WDFY4: variants seen among roughly 807,000 people sequenced by gnomAD.
WDFY4 encodes WD repeat- and FYVE domain-containing protein 4.
A neutral mutation model predicts 351.9 loss-of-function variants in WDFY4; 169 were observed. The observed-to-expected ratio is 0.48, with a 90% CI of 0.42 to 0.55. The LOEUF (loss-of-function observed/expected upper bound fraction) is 0.55, where lower values mean the gene tolerates loss of function less well. Ranked by LOEUF, WDFY4 falls within the 20% of genes least tolerant of loss-of-function variation. WDFY4 has a pLI of 0.00. For missense variants in WDFY4, 3,803 were observed against 3,935.6 expected (o/e 0.97, Z 0.90); for synonymous variants, 1,622 against 1,574.6 (o/e 1.03, Z -0.71).
At chr10:48,789,758 C>T in intron 21 of WDFY4, 116 bp from the exon 22 acceptor site, 2 of 870,412 alleles carry the variant, frequency 2.3e-6, no homozygotes. Flanking sequence ...ATGATCATTG[C>T]TGATGGAGTG....
intron 59 of WDFY4, 99 bp from the exon 60 acceptor site, chr10:48,978,209 TC>T: frequency 8.2e-7 from 1 of 1,219,426 alleles, no homozygotes; most frequent in Non-Finnish European, 1.1e-6. Flanking sequence ...GTTCATCCTT[TC>T]CCTGGGGGAC....
intron 19 of WDFY4, among the ~76,000 whole-genome samples, chr10:48,782,099 A>G (rs975370867): frequency 6.6e-6 from 1 of 152,212 alleles, no homozygotes; most frequent in Non-Finnish European, 1.5e-5. Flanking sequence ...GTGAATGTTA[A>G]TAACTTTTAT....
intron 39 of WDFY4, among the ~76,000 whole-genome samples, chr10:48,853,915 T>C (rs2069041616): frequency 6.6e-6 from 1 of 152,176 alleles, no homozygotes; most frequent in African/African-American, 2.4e-5. Context: ...TAGTAAGTGA[T>C]CAATGAATGT....
chr10:48,830,276 C>A (rs192064911), intron 37 of WDFY4, among the ~76,000 whole-genome samples: 3 of 152,280 alleles, frequency 2.0e-5, no homozygotes, highest in South Asian at 4.1e-4. Flanking sequence ...GGTGTCCATT[C>A]CCCTGAGAGG....
intron 31 of WDFY4, among the ~76,000 whole-genome samples, chr10:48,816,636 A>G (rs2067628893): frequency 6.6e-6 from 1 of 152,226 alleles, no homozygotes; most frequent in Non-Finnish European, 1.5e-5. Context: ...TACCTGTTTA[A>G]TCAATTAATG....
intron 2 of WDFY4, among the ~76,000 whole-genome samples, chr10:48,715,048 C>T (rs986327200): frequency 1.3e-5 from 2 of 152,206 alleles, no homozygotes; most frequent in Admixed American, 6.5e-5. Context: ...AGTCTAGCTG[C>T]CATGTTGTAA....
intron 20 of WDFY4, among the ~76,000 whole-genome samples, chr10:48,788,218 G>T (rs1465005377): frequency 6.6e-6 from 1 of 151,500 alleles, no homozygotes; most frequent in African/African-American, 2.4e-5. Flanking sequence ...TAGTAGAGAC[G>T]AGATTTCACC....
Position 48,900,217 on chromosome 10 carries a change from A to G in WDFY4, c.7438-4A>G. On this transcript the variant is annotated splice_polypyrimidine_tract_variant and splice_region_variant and intron_variant, in intron 45 of 61. Transcript: ENST00000325239. ...GGAGCATTAAAAGGGGCTTCTCTTCACAGGACATCGCCCTGGAGATCTTCT... is the reference window on the plus strand; with the variant it reads ...GGAGCATTAAAAGGGGCTTCTCTTCGCAGGACATCGCCCTGGAGATCTTCT... 1 of 1,551,026 alleles carries G rather than the reference A, an allele frequency of 6.4e-7. No homozygotes were observed. The highest frequency in any genetic ancestry group is 2.0e-5 in the Admixed American group (1 of 50,874).
intron 47 of WDFY4, among the ~76,000 whole-genome samples, chr10:48,938,153 A>G (rs533343274): frequency 1.2e-4 from 18 of 152,334 alleles, no homozygotes; most frequent in African/African-American, 4.1e-4. Context: ...TCAGTCACTC[A>G]CTAACCCATT....
chr10:48,926,272 G>A (rs981296317), intron 47 of WDFY4, among the ~76,000 whole-genome samples: 8 of 152,216 alleles, frequency 5.3e-5, no homozygotes, highest in African/African-American at 1.9e-4. Context: ...GCCCCAGGAA[G>A]GGTGTTCCTG....
In WDFY4 at chr10:48,976,842, G is replaced by T; in HGVS notation, c.9154G>T (p.Val3052Phe). Residue 3052 changes from valine to phenylalanine, a missense_variant, in exon 59 of 62, where the codon GTC becomes TTC. Around this residue, in one of 3 missense-constraint regions of WDFY4, gnomAD observed 3,054 missense variants for 3,148.6 expected, o/e 0.97. Transcript: ENST00000325239. ...GGGAGCACACTTGTCCCTGTGGAATGTCAATGGACAGCCCCTGGCCAGCAT... is the reference window on the plus strand; with the variant it reads ...GGGAGCACACTTGTCCCTGTGGAATTTCAATGGACAGCCCCTGGCCAGCAT... ...CAGAHLSLWNVNGQPLASITT... is the reference protein window; with the variant it reads ...CAGAHLSLWNFNGQPLASITT... The T allele has an allele frequency of 6.6e-7, 1 of 1,524,616 alleles. No homozygotes were observed. Among genetic ancestry groups the T allele is most frequent in the Non-Finnish European group, 8.8e-7 (1 of 1,132,550 alleles). 94.4% of individuals were successfully genotyped at this position (1,524,616 alleles called of 1,614,324 possible).
chr10:48,737,718 C>A (rs550024083), intron 11 of WDFY4, among the ~76,000 whole-genome samples: 20 of 152,236 alleles, frequency 1.3e-4, no homozygotes, highest in African/African-American at 4.8e-4. Flanking sequence ...AAGTTAAATA[C>A]CTTTTGAAAG....
intron 47 of WDFY4, among the ~76,000 whole-genome samples, chr10:48,930,835 A>G (rs1291551254): frequency 1.3e-5 from 2 of 152,230 alleles, no homozygotes; most frequent in African/African-American, 2.4e-5. Context: ...AAAATGCTGA[A>G]GATGTCATGT....
intron 44 of WDFY4, among the ~76,000 whole-genome samples, chr10:48,892,924 T>C (rs1196761829): frequency 6.6e-6 from 1 of 152,192 alleles, no homozygotes; most frequent in Non-Finnish European, 1.5e-5. Context: ...CTTAGCTGAT[T>C]AGGGTGGCTG....
chr10:48,797,120 C>T (rs2066902374), intron 24 of WDFY4, among the ~76,000 whole-genome samples: 1 of 152,170 alleles, frequency 6.6e-6, no homozygotes, highest in South Asian at 2.1e-4. Context: ...AGTGAGCAGG[C>T]AGTCAGAATT....
At chr10:48,969,381 G>A (rs187813841) in intron 56 of WDFY4, 133 bp downstream of exon 56, 3 of 1,134,542 alleles carry the variant, frequency 2.6e-6, no homozygotes, top group African/African-American at 1.5e-5. Context: ...CTGCCAGCCT[G>A]GGCGGGAAAG....
chr10:48,924,126 T>C (rs571689865), intron 47 of WDFY4, among the ~76,000 whole-genome samples: 2 of 152,314 alleles, frequency 1.3e-5, no homozygotes, highest in East Asian at 1.9e-4. Context: ...TAGGATAATG[T>C]ACTTCACCTC....
intron 13 of WDFY4, among the ~76,000 whole-genome samples, chr10:48,766,214 C>T (rs948337034): frequency 6.6e-6 from 1 of 152,216 alleles, no homozygotes; most frequent in Non-Finnish European, 1.5e-5. Context: ...GAGCCCCTTA[C>T]ACAAAGTATT....
intron 24 of WDFY4, among the ~76,000 whole-genome samples, chr10:48,799,803 T>A (rs1027096505): frequency 2.6e-5 from 4 of 151,948 alleles, no homozygotes; most frequent in Non-Finnish European, 5.9e-5. Flanking sequence ...TAAGGGGAAG[T>A]GTGGGGAGAC....
Sources: gnomAD v4.1 joint callset for allele counts (sites outside exome capture counted in the v4.1 genomes callset) on GRCh38, gnomAD v4.1.1 for gene constraint, gnomAD v4.1.1 regional missense constraint, MANE v1.5 for transcripts, NCBI Gene and HGNC (gene_info 2026-07-23, HGNC 2026-07-21) for gene names.